Variants in C12orf42 observed in about 807,000 individuals in gnomAD.
C12orf42 encodes the protein chromosome 12 open reading frame 42.
A neutral mutation model predicts 21.6 loss-of-function variants in C12orf42; 25 were observed. That is an observed-to-expected ratio of 1.16 (90% confidence interval 0.84 to 1.62). C12orf42 has a LOEUF of 1.62. Among genes scored for constraint, C12orf42 ranks in the 40% most tolerant of loss-of-function variants. The pLI is 0.00. For missense variants in C12orf42, 483 were observed against 459.3 expected (o/e 1.05, Z -0.47); for synonymous variants, 174 against 175.0 (o/e 0.99, Z 0.05).
At chr12:103,351,436 C>A (rs541960613) in intron 4 of C12orf42, among the ~76,000 whole-genome samples, 145 of 152,238 alleles carry the variant, frequency 9.5e-4, no homozygotes, top group Non-Finnish European at 1.7e-3. Context: ...GCCTGATTCG[C>A]AAATTGTTCA....
At chr12:103,555,090 A>G in the C12orf42 span, among the ~76,000 whole-genome samples, 13 of 152,172 alleles carry the variant, frequency 8.5e-5, no homozygotes, top group Non-Finnish European at 1.8e-4. Flanking sequence ...CATGAGAATC[A>G]CCTGGGCAAC....
At chr12:103,135,552 A>G in the C12orf42 span, among the ~76,000 whole-genome samples, 1 of 152,212 alleles carries the variant, frequency 6.6e-6, no homozygotes, top group African/African-American at 2.4e-5. Context: ...CAAAGAAGGA[A>G]CAAAGGAGAT....
rs142140834 is a variant in C12orf42, at chr12:103,390,699, A to G, written c.147+10908T>C. 5.6e-3 allele frequency among the ~76,000 whole-genome samples: 849 copies of G among 152,310 alleles called. 9 individuals are homozygous for G. Among genetic ancestry groups the G allele is most frequent in the African/African-American group, 0.02 (819 of 41,546 alleles). On this transcript the variant is annotated intron_variant, in intron 3 of 5. Transcript: ENST00000548883. ...AAACCCAGAGGTTTGAAAATCAAGC[A>G]AACCACTGGTGTAACTCCCAGTCCA... is the stretch of plus-strand genomic sequence containing the variant.
rs193011369 is a variant in C12orf42, at chr12:103,355,732, A to C, written c.259+13155T>G. ...CCTAGTTTGAGCACCATGACTCTAG[A>C]AAAACAGTTTTTGTCAATTTTAGCA... On this transcript the variant is annotated intron_variant, in intron 4 of 5. Coordinates refer to ENST00000548883, the MANE Select transcript of C12orf42 (RefSeq NM_198521.5). 4.9e-4 allele frequency among the ~76,000 whole-genome samples: 74 copies of C among 152,188 alleles called. 1 individual carries two copies. The highest frequency in any genetic ancestry group is 3.4e-3 in the Middle Eastern group (1 of 294).
intron 10 of C12orf42, among the ~76,000 whole-genome samples, chr12:103,246,977 T>A (rs2034040301): frequency 6.6e-6 from 1 of 152,030 alleles, no homozygotes; most frequent in South Asian, 2.1e-4. Context: ...GAAATAAGAT[T>A]TTCATATTTT....
the C12orf42 span, among the ~76,000 whole-genome samples, chr12:103,530,356 G>T: frequency 1.2e-3 from 176 of 152,282 alleles, no homozygotes; most frequent in African/African-American, 4.0e-3. Context: ...TGGGGGCCAA[G>T]GCGTGCTGGA....
At chr12:103,458,593 A>C (rs894140952) in intron 2 of C12orf42, among the ~76,000 whole-genome samples, 2 of 152,172 alleles carry the variant, frequency 1.3e-5, no homozygotes, top group African/African-American at 4.8e-5. Context: ...CAGCTCAGCT[A>C]GATCTTAGTA....
chr12:103,200,554 T>C, the C12orf42 span, among the ~76,000 whole-genome samples: 2 of 152,194 alleles, frequency 1.3e-5, no homozygotes, highest in Non-Finnish European at 2.9e-5. Flanking sequence ...ATGGCATAGA[T>C]TGAGGTGATG....
the C12orf42 span, among the ~76,000 whole-genome samples, chr12:103,159,852 C>T: frequency 3.9e-5 from 6 of 152,160 alleles, no homozygotes; most frequent in African/African-American, 1.4e-4. Flanking sequence ...CTTAGAATGC[C>T]TTGTTCAGAC....
At chr12:103,284,009 T>G (rs2036288509) in intron 4 of C12orf42, among the ~76,000 whole-genome samples, 1 of 152,198 alleles carries the variant, frequency 6.6e-6, no homozygotes, top group East Asian at 1.9e-4. Context: ...CTTAAGACAC[T>G]ATTTAGGTAC....
chr12:103,198,118 T>C, the C12orf42 span, among the ~76,000 whole-genome samples: 3,776 of 152,214 alleles, frequency 0.025, 151 homozygotes, highest in African/African-American at 0.083. Flanking sequence ...GACAGTGAGG[T>C]CTGCATACAT....
At chr12:103,160,924 G>A in the C12orf42 span, among the ~76,000 whole-genome samples, 1 of 152,132 alleles carries the variant, frequency 6.6e-6, no homozygotes, top group Non-Finnish European at 1.5e-5. Context: ...GGAGTAATTT[G>A]CTTAATTTCA....
At chr12:103,422,691 G>T (rs951440674) in intron 2 of C12orf42, among the ~76,000 whole-genome samples, 1 of 152,022 alleles carries the variant, frequency 6.6e-6, no homozygotes, top group African/African-American at 2.4e-5. Flanking sequence ...GAAATAAAAC[G>T]GAATATTTTA....
intron 3 of C12orf42, among the ~76,000 whole-genome samples, chr12:103,380,445 G>A (rs1013472755): frequency 7.2e-5 from 11 of 152,256 alleles, no homozygotes; most frequent in South Asian, 6.2e-4. Flanking sequence ...GCAGGATGGC[G>A]TCAGAGTGCT....
intron 10 of C12orf42, among the ~76,000 whole-genome samples, chr12:103,247,285 C>T (rs927048156): frequency 1.3e-5 from 2 of 149,702 alleles, no homozygotes; most frequent in African/African-American, 4.9e-5. Context: ...AAGTTCTTTG[C>T]AGTTTCTCAG....
At chr12:103,485,984 C>T (rs1954806201) in intron 1 of C12orf42, among the ~76,000 whole-genome samples, 1 of 152,182 alleles carries the variant, frequency 6.6e-6, no homozygotes, top group African/African-American at 2.4e-5. Flanking sequence ...TGCCTGATTG[C>T]CCTGGCCAGA....
At chr12:103,506,415 T>C in the C12orf42 span, among the ~76,000 whole-genome samples, 1 of 151,414 alleles carries the variant, frequency 6.6e-6, no homozygotes, top group Admixed American at 6.6e-5. Context: ...CATAGTGATG[T>C]TTTGGTCAAT....
chr12:103,146,345 T>G, the C12orf42 span, among the ~76,000 whole-genome samples: 1 of 150,064 alleles, frequency 6.7e-6, no homozygotes, highest in African/African-American at 2.4e-5. Flanking sequence ...CTGGGTGTGG[T>G]GATGCATGCC....
chr12:103,047,901 C>T, the C12orf42 span, among the ~76,000 whole-genome samples: 1 of 152,172 alleles, frequency 6.6e-6, no homozygotes, highest in Non-Finnish European at 1.5e-5. Context: ...TTCTTTGAGG[C>T]TCAGGCTTAG....
Sources: allele counts gnomAD v4.1 joint callset (sites outside exome capture counted in the v4.1 genomes callset), GRCh38; gene constraint gnomAD v4.1.1; transcripts MANE v1.5; gene names NCBI Gene and HGNC (gene_info 2026-07-23, HGNC 2026-07-21).